The following STAB2 variants were observed in gnomAD, a reference collection of about 807,000 sequenced individuals.
STAB2 encodes stabilin-2.
STAB2 carries 288 observed loss-of-function variants against 338.1 expected under a neutral mutation model. The ratio of observed to expected loss-of-function variants is 0.85; its 90% CI spans 0.77 to 0.94. The LOEUF (loss-of-function observed/expected upper bound fraction) is 0.94. STAB2 is among the 40% of genes least tolerant of loss of function. The pLI is 0.00. For missense variants in STAB2, 3,141 were observed against 3,210.1 expected (o/e 0.98, Z 0.52); for synonymous variants, 1,202 against 1,193.3 (o/e 1.01, Z -0.15).
At chr12:103,592,912 A>G (rs1420433223) in intron 2 of STAB2, among the ~76,000 whole-genome samples, 1 of 152,152 alleles carries the variant, frequency 6.6e-6, no homozygotes, top group Non-Finnish European at 1.5e-5. Context: ...GTGGGATCAT[A>G]TAGTATCTGT....
At chr12:103,607,993 A>G (rs956643904) in intron 3 of STAB2, among the ~76,000 whole-genome samples, 2 of 152,242 alleles carry the variant, frequency 1.3e-5, no homozygotes, top group African/African-American at 4.8e-5. Flanking sequence ...ACTAGTTTAC[A>G]GTCCCACCAA....
At position 103,690,265 on chromosome 12, in the gene STAB2, C is replaced by A. The variant is rs980499345; in HGVS notation, c.3183-159C>A. On this transcript the variant is annotated intron_variant, in intron 29 of 68. Coordinates refer to ENST00000388887, the MANE Select transcript of STAB2 (RefSeq NM_017564.10). ...TACAGATATGGAAACCAAAGCACAGCGTGGTTGAGTAACTAACTCTAGCCA... is the reference window on the plus strand; with the variant it reads ...TACAGATATGGAAACCAAAGCACAGAGTGGTTGAGTAACTAACTCTAGCCA... Among the ~76,000 whole-genome samples the A allele has an allele frequency of 2.6e-5, 4 of 152,220 alleles. No individual in the cohort carries two copies. In the South Asian group the frequency reaches 8.3e-4, roughly 32 times the overall value.
rs1882265733 is a variant in STAB2, at chr12:103,737,683, T to C, written c.5600T>C (p.Leu1867Pro). 6.2e-7 allele frequency: 1 copy of C among 1,612,340 alleles called. No homozygotes were observed. The highest frequency in any genetic ancestry group is 8.5e-7 in the Non-Finnish European group (1 of 1,179,436). Residue 1867 changes from leucine to proline, a missense_variant, in exon 53 of 69, where the codon CTC becomes CCC. Coordinates refer to ENST00000388887, the MANE Select transcript of STAB2 (RefSeq NM_017564.10). ...GQTCRIVQRELLFDLGVAYGI... is the reference protein window; with the variant it reads ...GQTCRIVQREPLFDLGVAYGI... ...ACCTGCAGAATTGTGCAGCGGGAGC[T>C]CTTGTTTGACCTGGGTGTGGCCTAC...
intron 5 of STAB2, among the ~76,000 whole-genome samples, chr12:103,623,338 T>A (rs1366034863): frequency 6.6e-6 from 1 of 152,170 alleles, no homozygotes; most frequent in Non-Finnish European, 1.5e-5. Context: ...GGGAATATGG[T>A]ACCTTACATG....
intron 54 of STAB2, 100 bp downstream of exon 54, chr12:103,739,568 T>A (rs1015938496): frequency 2.6e-6 from 2 of 771,284 alleles, no homozygotes; most frequent in Non-Finnish European, 1.9e-6. Flanking sequence ...TGTGTGTGTG[T>A]GTGTGCCCGT....
rs1875103741 is a variant in STAB2 at position 103,666,373 on chromosome 12, G to A, written c.2085+20G>A. On this transcript the variant is annotated intron_variant, in intron 19 of 68. Coordinates refer to ENST00000388887, the MANE Select transcript of STAB2 (RefSeq NM_017564.10). Reference sequence around the variant, plus strand: ...CCCACAGTGAGTGTGACAGCTTCATGAAAGCACAGATCACCCAAGCAGCCC... The same window carrying A: ...CCCACAGTGAGTGTGACAGCTTCATAAAAGCACAGATCACCCAAGCAGCCC... 1 of 1,613,966 alleles carries A rather than the reference G, an allele frequency of 6.2e-7. No homozygotes were observed. Among genetic ancestry groups the A allele is most frequent in the Non-Finnish European group, 8.5e-7 (1 of 1,179,820 alleles).
rs1884982019 is a variant in STAB2, at chr12:103,766,589, G to A, written c.*253G>A. On this transcript the variant is annotated 3_prime_UTR_variant, in exon 69 of 69. Coordinates refer to ENST00000388887, the MANE Select transcript of STAB2 (RefSeq NM_017564.10). ...CTTCAGCTGGCACCTGCTCCATTCTGCCCTACATGATGGGTAACTGTGATC... is the reference window on the plus strand; with the variant it reads ...CTTCAGCTGGCACCTGCTCCATTCTACCCTACATGATGGGTAACTGTGATC... 2 of 469,200 alleles carry A rather than the reference G, an allele frequency of 4.3e-6. No individual in the cohort carries two copies. Among genetic ancestry groups the A allele is most frequent in the Non-Finnish European group, 7.7e-6 (2 of 258,540 alleles). 29.1% of individuals were successfully genotyped at this position (469,200 alleles called of 1,614,324 possible).
intron 28 of STAB2, among the ~76,000 whole-genome samples, chr12:103,688,998 C>T (rs1056876702): frequency 7.6e-6 from 1 of 131,288 alleles, no homozygotes; most frequent in African/African-American, 2.9e-5. Flanking sequence ...ATACTACAAA[C>T]CAAGTCTTTT....
At position 103,761,310 on chromosome 12, in the gene STAB2, G is replaced by C; in HGVS notation, c.7259G>C (p.Arg2420Thr). ...SQDPLQPTET[R>T]FVDGRAILQW... is the part of the protein sequence containing the mutation. ...TTCTCATTTCCCTAGACGGAGACCA[G>C]GTTTGTTGATGGAAGAGCCATTCTG... Residue 2420 changes from arginine (R) to threonine (T), a missense_variant, in exon 66 of 69, where the codon AGG becomes ACG. Coordinates refer to ENST00000388887, the MANE Select transcript of STAB2 (RefSeq NM_017564.10). 1 of 1,614,028 alleles carries C rather than the reference G, an allele frequency of 6.2e-7. No homozygotes were observed. The highest frequency in any genetic ancestry group is 1.1e-5 in the South Asian group (1 of 91,068).
At chr12:103,666,486 A>G in intron 19 of STAB2, 133 bp downstream of exon 19, 1 of 860,498 alleles carries the variant, frequency 1.2e-6, no homozygotes, top group Non-Finnish European at 1.9e-6. Context: ...CTCGTAGCCT[A>G]CTATATGGGG....
rs962697050 is a variant in STAB2, at chr12:103,752,661, T to A, written c.6581-559T>A. On this transcript the variant is annotated intron_variant, in intron 60 of 68. Transcript: ENST00000388887. Reference sequence around the variant, plus strand: ...CTCACTTTAATGTGTTTTTTATAGCTGTAAAGGTCACAACAAATTTTTCAA... The same window carrying A: ...CTCACTTTAATGTGTTTTTTATAGCAGTAAAGGTCACAACAAATTTTTCAA... Among the ~76,000 whole-genome samples the A allele has an allele frequency of 2.6e-5, 4 of 152,324 alleles. No homozygotes were observed. The South Asian group carries it at 8.3e-4, about 32-fold the overall frequency.
intron 35 of STAB2, among the ~76,000 whole-genome samples, chr12:103,703,563 C>T (rs1879090951): frequency 6.6e-6 from 1 of 152,006 alleles, no homozygotes; most frequent in Non-Finnish European, 1.5e-5. Flanking sequence ...GAGTGGTGTG[C>T]TGTGTTGGGC....
At chr12:103,617,188 C>T (rs1256304099) in intron 3 of STAB2, among the ~76,000 whole-genome samples, 11 of 152,162 alleles carry the variant, frequency 7.2e-5, no homozygotes, top group Non-Finnish European at 1.5e-4. Context: ...TATCCCAGTC[C>T]ATCAATCAGT....
At chr12:103,660,514 C>A in intron 16 of STAB2, 130 bp downstream of exon 16, 1 of 1,280,832 alleles carries the variant, frequency 7.8e-7, no homozygotes, top group Non-Finnish European at 1.1e-6. Context: ...CAGCCATGAA[C>A]AATGAGTCCA....
intron 53 of STAB2, among the ~76,000 whole-genome samples, 186 bp from the exon 54 acceptor site, chr12:103,739,226 C>G (rs937767540): frequency 6.6e-6 from 1 of 151,804 alleles, no homozygotes; most frequent in Non-Finnish European, 1.5e-5. Flanking sequence ...ATCTTTCTGC[C>G]TTGGCCTCCC....
chr12:103,762,806 C>T (rs1388065088), intron 67 of STAB2, among the ~76,000 whole-genome samples: 2 of 152,234 alleles, frequency 1.3e-5, no homozygotes, highest in Non-Finnish European at 2.9e-5. Context: ...GGGCTAGGGA[C>T]CCTACACAGC....
chr12:103,761,490 C>T, intron 66 of STAB2, 80 bp downstream of exon 66: 6 of 1,248,032 alleles, frequency 4.8e-6, no homozygotes, highest in African/African-American at 1.5e-5. Flanking sequence ...TTACCAGAAG[C>T]CCTGTCCTCC....
chr12:103,759,372 C>T, intron 65 of STAB2, 99 bp downstream of exon 65: 1 of 1,487,010 alleles, frequency 6.7e-7, no homozygotes, highest in South Asian at 1.3e-5. Context: ...ATTATGCAAA[C>T]ATAAACTCTA....
Position 103,591,018 on chromosome 12 carries a change from T to A in STAB2, c.203T>A (p.Val68Asp), listed in dbSNP as rs765133947. The A allele has an allele frequency of 1.9e-6, 3 of 1,613,750 alleles. No homozygotes were observed. The highest frequency in any genetic ancestry group is 8.5e-7 in the Non-Finnish European group (1 of 1,179,950). ...YTMITSGSVG[V>D]RDCRYTFEVR... ...ATGATTACCAGTGGCTCTGTAGGGG[T>A]TCGAGATTGCAGGTACTCATGAGAA... Residue 68 changes from valine to aspartate, a missense_variant, in exon 2 of 69, where the codon GTT becomes GAT. By Grantham distance (152) the Val-to-Asp change is radical. Transcript: ENST00000388887.
Sources: gnomAD v4.1 joint callset for allele counts (sites outside exome capture counted in the v4.1 genomes callset) on GRCh38, gnomAD v4.1.1 for gene constraint, MANE v1.5 for transcripts, NCBI Gene and HGNC (gene_info 2026-07-23, HGNC 2026-07-21) for gene names.